MYH10: variants seen among roughly 807,000 people sequenced by gnomAD.
The protein encoded by MYH10 is myosin-10.
A neutral mutation model predicts 257.8 loss-of-function variants in MYH10; 55 were observed. The ratio of observed to expected loss-of-function variants is 0.21; its 90% CI spans 0.17 to 0.27. MYH10 has a LOEUF of 0.27. Ranked by LOEUF, MYH10 falls within the 10% of genes least tolerant of loss-of-function variation. MYH10 has a pLI of 1.00. For synonymous variants in MYH10, 854 were observed against 921.7 expected (o/e 0.93, Z 1.33); for missense variants, 1,631 against 2,500.6 (o/e 0.65, Z 7.42).
rs1290128070 is a variant in MYH10, at chr17:8,490,786, TCTCTGGTCATCCTC to T, written c.4672-248_4672-235del. 6.6e-6 allele frequency among the ~76,000 whole-genome samples: 1 copy of T among 152,172 alleles called. No homozygotes were observed. Among genetic ancestry groups the T allele is most frequent in the Non-Finnish European group, 1.5e-5 (1 of 68,028 alleles). On this transcript the variant is annotated intron_variant, in intron 34 of 42. Transcript: ENST00000360416. The surrounding 1 kb of genome is among the most constrained non-coding windows in gnomAD (Gnocchi z 4.1). The stretch of plus-strand genomic sequence containing the variant: ...TGCGGATGTCTTTATTCCCACGTGT[TCTCTGGTCATCCTC>T]CTCTGATGACCTTTAAGCTGAGAGC...
At chr17:8,561,418 C>T in intron 7 of MYH10, 2 of 1,062,514 alleles carry the variant, frequency 1.9e-6, no homozygotes, top group South Asian at 1.2e-5. Flanking sequence ...TGCCTATGTG[C>T]TTCCCAAGCT....
chr17:8,515,236 G>T (rs2081427079), intron 21 of MYH10, among the ~76,000 whole-genome samples: 1 of 152,172 alleles, frequency 6.6e-6, no homozygotes, highest in South Asian at 2.1e-4. Flanking sequence ...GGAAAGAGAA[G>T]CAATTGAAGG....
Position 8,493,762 on chromosome 17 carries a change from C to G in MYH10, c.4180G>C (p.Glu1394Gln). Reference sequence around the variant, plus strand: ...GACTGCAGGGCCAGCACTTGCTTCTCCAGGTTCTTCCTGGCCTCCTCCTCC... The same window carrying G: ...GACTGCAGGGCCAGCACTTGCTTCTGCAGGTTCTTCCTGGCCTCCTCCTCC... ...EEEEEARKNLEKQVLALQSQL... is the reference protein window; with the variant it reads ...EEEEEARKNLQKQVLALQSQL... Residue 1394 changes from glutamate to glutamine, a missense_variant, in exon 32 of 43, where the codon GAG becomes CAG. By Grantham distance (29) the Glu-to-Gln change is conservative. Transcript: ENST00000360416. The G allele has an allele frequency of 6.2e-7, 1 of 1,614,000 alleles. No individual in the cohort carries two copies. The highest frequency in any genetic ancestry group is 8.5e-7 in the Non-Finnish European group (1 of 1,179,974).
chr17:8,484,061 A>G (rs1476019404), intron 37 of MYH10, 77 bp downstream of exon 37: 3 of 1,387,134 alleles, frequency 2.2e-6, no homozygotes, highest in Non-Finnish European at 2.9e-6. Flanking sequence ...CTACAAATAT[A>G]TTAACTTTTT....
At chr17:8,481,915 C>T (rs982301870) in intron 37 of MYH10, among the ~76,000 whole-genome samples, 33 of 152,172 alleles carry the variant, frequency 2.2e-4, no homozygotes, top group African/African-American at 7.2e-4. Flanking sequence ...TGGGGGCCTC[C>T]GCAGGGGCTC....
chr17:8,573,071 A>T (rs2083399928), intron 6 of MYH10, among the ~76,000 whole-genome samples: 1 of 152,216 alleles, frequency 6.6e-6, no homozygotes, highest in South Asian at 2.1e-4. Context: ...AGCCTTAGCT[A>T]TTGAAATGAT....
chr17:8,598,741 C>CTTTTTT, intron 3 of MYH10, among the ~76,000 whole-genome samples: 1 of 144,236 alleles, frequency 6.9e-6, no homozygotes. Flanking sequence ...GGGTCTTGCT[C>CTTTTTT]TGTTGCCCAG....
At chr17:8,578,681 C>T (rs940681769) in intron 4 of MYH10, among the ~76,000 whole-genome samples, 8 of 152,130 alleles carry the variant, frequency 5.3e-5, no homozygotes, top group Non-Finnish European at 1.0e-4. Context: ...CATTTCTACT[C>T]ACTACTAGGC....
At chr17:8,586,025 T>C (rs1463323180) in intron 4 of MYH10, among the ~76,000 whole-genome samples, 2 of 152,108 alleles carry the variant, frequency 1.3e-5, no homozygotes, top group Admixed American at 6.6e-5. Context: ...GGAAACATCA[T>C]CTAAACTTTA....
chr17:8,604,728 AT>A, intron 3 of MYH10, 97 bp downstream of exon 3: 1 of 927,750 alleles, frequency 1.1e-6, no homozygotes, highest in African/African-American at 1.7e-5. Flanking sequence ...TTTTAAAAAA[AT>A]AAAATTTAAC....
chr17:8,610,579 G>C (rs2084999958), intron 2 of MYH10, among the ~76,000 whole-genome samples: 1 of 152,172 alleles, frequency 6.6e-6, no homozygotes, highest in South Asian at 2.1e-4. Context: ...TGGGAGGTGA[G>C]GCCTATTGAG....
intron 31 of MYH10, among the ~76,000 whole-genome samples, chr17:8,494,691 C>T (rs1439214680): frequency 2.0e-5 from 3 of 152,222 alleles, no homozygotes; most frequent in Admixed American, 1.3e-4. Flanking sequence ...TTAAAAACAT[C>T]CCTAACGGAT....
At chr17:8,510,746 G>T (rs77033510) in intron 24 of MYH10, among the ~76,000 whole-genome samples, 78,109 of 151,250 alleles carry the variant, frequency 0.52, 21,221 homozygotes, top group Middle Eastern at 0.63. Flanking sequence ...AAGAGAGAAA[G>T]AGAACATGAA....
At chr17:8,519,069 A>G in intron 19 of MYH10, 119 bp from the exon 20 acceptor site, 1 of 649,230 alleles carries the variant, frequency 1.5e-6, no homozygotes, top group South Asian at 2.2e-5. Context: ...TAAAGATATG[A>G]TGTAATACAT....
intron 21 of MYH10, among the ~76,000 whole-genome samples, chr17:8,518,426 G>A (rs982590287): frequency 6.6e-6 from 1 of 152,076 alleles, no homozygotes; most frequent in Non-Finnish European, 1.5e-5. Context: ...GAGCCACCAC[G>A]CCCAGCCTCC....
intron 37 of MYH10, among the ~76,000 whole-genome samples, chr17:8,482,775 AAC>A (rs1223446945): frequency 6.6e-6 from 1 of 152,222 alleles, no homozygotes; most frequent in African/African-American, 2.4e-5. Context: ...TTTCAGAAAA[AAC>A]AGTGTGGTAC....
chr17:8,625,643 G>A (rs961047123), intron 1 of MYH10, among the ~76,000 whole-genome samples: 2 of 151,976 alleles, frequency 1.3e-5, no homozygotes, highest in Non-Finnish European at 2.9e-5. Context: ...ACCATGACCC[G>A]CTAATTTTTG....
At chr17:8,584,466 A>G (rs1032933224) in intron 4 of MYH10, among the ~76,000 whole-genome samples, 3 of 152,208 alleles carry the variant, frequency 2.0e-5, no homozygotes, top group African/African-American at 7.2e-5. Flanking sequence ...AAGAGGGTAC[A>G]AAGAGTGGGC....
At chr17:8,585,168 T>C (rs1328149975) in intron 4 of MYH10, among the ~76,000 whole-genome samples, 2 of 147,172 alleles carry the variant, frequency 1.4e-5, no homozygotes, top group African/African-American at 2.5e-5. Flanking sequence ...TCGTACTACA[T>C]ATATATATGT....
Sources: gnomAD v4.1 joint callset for allele counts (sites outside exome capture counted in the v4.1 genomes callset) on GRCh38, gnomAD v4.1.1 for gene constraint, Gnocchi (gnomAD v3.1) non-coding constraint, MANE v1.5 for transcripts, NCBI Gene and HGNC (gene_info 2026-07-23, HGNC 2026-07-21) for gene names.